Variants in DAB1 observed in about 807,000 individuals in gnomAD.
DAB1 encodes the protein disabled homolog 1.
In DAB1, 15 loss-of-function variants were observed where a neutral mutation model predicts 64.6. The observed-to-expected ratio is 0.23, with a 90% CI of 0.16 to 0.36. DAB1 has a LOEUF of 0.36. Ranked by LOEUF, DAB1 falls within the 10% of genes least tolerant of loss-of-function variation. DAB1 has a pLI of 1.00. For synonymous variants in DAB1, 235 were observed against 251.9 expected (o/e 0.93, Z 0.64); for missense variants, 596 against 706.7 (o/e 0.84, Z 1.78).
At chr1:58,398,125 T>C (rs1368047138) in intron 3 of DAB1, among the ~76,000 whole-genome samples, 1 of 152,194 alleles carries the variant, frequency 6.6e-6, no homozygotes, top group East Asian at 1.9e-4. Context: ...GCCAACTCTG[T>C]TCCCTGCTTC....
At chr1:57,165,623 G>A (rs1159897466) in intron 2 of DAB1, among the ~76,000 whole-genome samples, 1 of 152,148 alleles carries the variant, frequency 6.6e-6, no homozygotes, top group Non-Finnish European at 1.5e-5. Context: ...TTAGCCTGAA[G>A]AAAAATTTCA....
chr1:58,487,323 T>C (rs561418407), intron 3 of DAB1, among the ~76,000 whole-genome samples: 2 of 152,378 alleles, frequency 1.3e-5, no homozygotes, highest in Admixed American at 6.5e-5. Flanking sequence ...TTTTCTTTTA[T>C]GATGCTGCTC....
chr1:58,142,758 C>T (rs886075816), intron 5 of DAB1, among the ~76,000 whole-genome samples: 3 of 152,220 alleles, frequency 2.0e-5, no homozygotes, highest in Admixed American at 6.5e-5. Flanking sequence ...TGCTCAGATG[C>T]CCCTACCTCT....
At chr1:57,684,050 C>T (rs1409785665) in intron 6 of DAB1, among the ~76,000 whole-genome samples, 1 of 151,910 alleles carries the variant, frequency 6.6e-6, no homozygotes, top group East Asian at 1.9e-4. Flanking sequence ...TTTGAATCAA[C>T]TCAGTCAGAC....
chr1:57,461,097 G>C (rs180854912), intron 7 of DAB1, among the ~76,000 whole-genome samples: 16 of 152,282 alleles, frequency 1.1e-4, no homozygotes, highest in Admixed American at 9.8e-4. Flanking sequence ...GGTAGAAATA[G>C]AGTACAAGTG....
chr1:57,708,137 G>C (rs1646988985), intron 6 of DAB1, among the ~76,000 whole-genome samples: 8 of 152,312 alleles, frequency 5.3e-5, no homozygotes, highest in Admixed American at 4.6e-4. Context: ...GACTGCTGCT[G>C]ATGTTTTTGC....
intron 6 of DAB1, among the ~76,000 whole-genome samples, chr1:57,769,200 A>C (rs1649452591): frequency 1.3e-5 from 2 of 152,180 alleles, no homozygotes; most frequent in Admixed American, 1.3e-4. Flanking sequence ...TATCTTCTTT[A>C]ATGGAAAAGG....
intron 2 of DAB1, among the ~76,000 whole-genome samples, chr1:57,167,248 A>G (rs1661285433): frequency 6.6e-6 from 1 of 152,170 alleles, no homozygotes; most frequent in South Asian, 2.1e-4. Context: ...CAAGACCACT[A>G]TGGAGGGTTG....
intron 1 of DAB1, among the ~76,000 whole-genome samples, chr1:57,329,320 G>A (rs184331545): frequency 7.2e-4 from 110 of 152,272 alleles, no homozygotes; most frequent in African/African-American, 2.6e-3. Context: ...TGAGAACTCC[G>A]TACTGTGTCC....
intron 7 of DAB1, among the ~76,000 whole-genome samples, chr1:57,429,676 A>G (rs554625693): frequency 5.9e-4 from 90 of 152,312 alleles, no homozygotes; most frequent in African/African-American, 2.0e-3. Context: ...ATGGCATAAT[A>G]TAAGGATTCA....
chr1:57,605,526 C>T (rs1024357856), intron 7 of DAB1, among the ~76,000 whole-genome samples: 2 of 152,168 alleles, frequency 1.3e-5, no homozygotes, highest in African/African-American at 2.4e-5. Context: ...GAAAATACTG[C>T]AGCCCTATTT....
intron 7 of DAB1, among the ~76,000 whole-genome samples, chr1:57,450,789 T>C (rs1686321384): frequency 6.6e-6 from 1 of 152,254 alleles, no homozygotes; most frequent in Non-Finnish European, 1.5e-5. Flanking sequence ...TTCAACTTAC[T>C]TAAAGTCATG....
At chr1:57,231,925 G>C (rs547708101) in intron 2 of DAB1, among the ~76,000 whole-genome samples, 1 of 152,046 alleles carries the variant, frequency 6.6e-6, no homozygotes, top group Non-Finnish European at 1.5e-5. Context: ...TTTCTAGCCC[G>C]CTATCTTTTT....
intron 7 of DAB1, among the ~76,000 whole-genome samples, chr1:57,446,598 C>CAAAA (rs11418380): frequency 7.5e-6 from 1 of 132,796 alleles, no homozygotes; most frequent in East Asian, 2.2e-4. Context: ...AACTCCGTTG[C>CAAAA]AAAAAAAAAA....
intron 5 of DAB1, among the ~76,000 whole-genome samples, chr1:58,141,767 G>C (rs1654298541): frequency 6.6e-6 from 1 of 152,166 alleles, no homozygotes; most frequent in Admixed American, 6.5e-5. Context: ...ACAGGAGTTG[G>C]TTTTATGGAG....
At chr1:58,423,157 G>T (rs944830388) in intron 3 of DAB1, among the ~76,000 whole-genome samples, 7 of 152,170 alleles carry the variant, frequency 4.6e-5, no homozygotes, top group African/African-American at 1.4e-4. Context: ...CTATCTGGTT[G>T]TCCATATAAA....
chr1:58,252,452 T>C (rs111230439), intron 4 of DAB1, among the ~76,000 whole-genome samples: 148 of 152,254 alleles, frequency 9.7e-4, no homozygotes, highest in African/African-American at 3.5e-3. Context: ...ACTCAAGATA[T>C]AAAAATAGAA....
At chr1:57,170,831 C>T (rs551505513) in intron 2 of DAB1, among the ~76,000 whole-genome samples, 32 of 152,214 alleles carry the variant, frequency 2.1e-4, no homozygotes, top group South Asian at 1.2e-3. Flanking sequence ...CTCTTGCTCG[C>T]GGTATCTGCG....
rs142095361 is a variant in DAB1, at chr1:57,702,844, A to G, written n.552-53179T>C. On this transcript the variant is annotated intron_variant and non_coding_transcript_variant, in intron 6 of 20. Transcript: ENST00000485760. ...ATGGTACTGGTACAAAAACAGACAC[A>G]TAGACCAATAGAACAGAATAGAGAA... 3.2e-3 allele frequency among the ~76,000 whole-genome samples: 486 copies of G among 152,312 alleles called. 3 individuals are homozygous for G. The highest frequency in any genetic ancestry group is 0.011 in the African/African-American group (461 of 41,566).
Sources: allele counts gnomAD v4.1 joint callset (sites outside exome capture counted in the v4.1 genomes callset), GRCh38; gene constraint gnomAD v4.1.1; transcripts MANE v1.5; gene names NCBI Gene and HGNC (gene_info 2026-07-23, HGNC 2026-07-21).